DMD: variants seen among roughly 807,000 people sequenced by gnomAD.
DMD encodes the protein mutant dystrophin.
DMD carries 63 observed loss-of-function variants against 330.1 expected under a neutral mutation model. That is an observed-to-expected ratio of 0.19 (90% CI 0.16 to 0.24). The LOEUF is 0.24. DMD is among the 10% of genes least tolerant of loss of function. The pLI is 1.00. For synonymous variants in DMD, 1,223 were observed against 959.8 expected, an observed-to-expected ratio of 1.27 and a Z score of -5.07; for missense variants, 3,344 against 2,684.1, an observed-to-expected ratio of 1.25 and a Z score of -5.43.
At chrX:32,238,482 A>G (rs895583286) in intron 43 of DMD, among the ~76,000 whole-genome samples, 1 of 111,113 alleles carries the variant, frequency 9.0e-6, no homozygotes, top group African/African-American at 3.3e-5. Flanking sequence ...AGAAAGAGAG[A>G]CACAGAGAGA....
chrX:31,513,412 C>T (rs1417427386), intron 55 of DMD, among the ~76,000 whole-genome samples: 1 of 109,860 alleles, frequency 9.1e-6, no homozygotes, highest in Admixed American at 9.8e-5. Context: ...CTGTCTTGTG[C>T]CAATAAACTC....
chrX:32,841,591 G>A (rs565823149), intron 4 of DMD, among the ~76,000 whole-genome samples: 1 of 111,881 alleles, frequency 8.9e-6, no homozygotes, highest in African/African-American at 3.2e-5. Flanking sequence ...GTACTGTGAA[G>A]CAATGAGGAA....
At chrX:32,362,708 C>G in intron 37 of DMD, 80 bp downstream of exon 37, 1 of 1,104,116 alleles carries the variant, frequency 9.1e-7, no homozygotes, top group Non-Finnish European at 1.3e-6. Context: ...GTGGGGTCTA[C>G]TTGCCCCTTT....
chrX:32,590,918 C>T (rs1225669211), intron 13 of DMD, among the ~76,000 whole-genome samples: 1 of 111,979 alleles, frequency 8.9e-6, no homozygotes, highest in African/African-American at 3.3e-5. Flanking sequence ...TTTATATACA[C>T]ATATATACAT....
intron 55 of DMD, among the ~76,000 whole-genome samples, chrX:31,607,574 T>A (rs5927025): frequency 0.24 from 26,735 of 111,662 alleles, 2,460 homozygotes; most frequent in Middle Eastern, 0.32. Flanking sequence ...AGTCTTTTCA[T>A]ATGTCTCTTT....
At chrX:33,235,685 G>T (rs1462823462) in intron 1 of DMD, among the ~76,000 whole-genome samples, 1 of 109,756 alleles carries the variant, frequency 9.1e-6, no homozygotes, top group Non-Finnish European at 1.9e-5. Context: ...CAACCTCAAG[G>T]TTGCTCAAGG....
intron 20 of DMD, among the ~76,000 whole-genome samples, chrX:32,489,451 T>G (rs950561181): frequency 1.8e-5 from 2 of 110,964 alleles, no homozygotes; most frequent in Non-Finnish European, 3.8e-5. Flanking sequence ...TCTGCATGTA[T>G]ACACACAGAG....
At chrX:32,349,124 A>G (rs1489053229) in intron 37 of DMD, among the ~76,000 whole-genome samples, 2 of 111,641 alleles carry the variant, frequency 1.8e-5, no homozygotes, top group Non-Finnish European at 3.8e-5. Context: ...TATTTCACAT[A>G]AAGAATCTAT....
In DMD at chrX:32,866,724, T is replaced by TTG. The variant is rs1307416049; in HGVS notation, c.94-16905_94-16904insCA. Reference sequence around the variant, plus strand: ...ATATATACATACACACACTTTTTTTTGGGGGGGGGTGGGGGGGTGGGGGGG... The same window carrying TTG: ...ATATATACATACACACACTTTTTTTTTGGGGGGGGGGTGGGGGGGTGGGGGGG... On this transcript the variant is annotated intron_variant, in intron 2 of 78. Transcript: ENST00000357033. Among the ~76,000 whole-genome samples the TTG allele has an allele frequency of 3.5e-3, 136 of 38,417 alleles. 3 individuals are homozygous for TTG. Among genetic ancestry groups the TTG allele is most frequent in the African/African-American group, 0.021 (125 of 5,901 alleles). The allele number at this position is 38,417 out of a possible 115,157, so 33.4% of individuals were successfully genotyped here. A position where few individuals can be genotyped will look rare whatever the true frequency, so the allele number is the denominator to read the frequency against.
intron 42 of DMD, among the ~76,000 whole-genome samples, chrX:32,307,496 C>A (rs2097544829): frequency 9.0e-6 from 1 of 111,651 alleles, no homozygotes; most frequent in Non-Finnish European, 1.9e-5. Context: ...CTGGCAGCTA[C>A]CAGTCAGAGT....
intron 1 of DMD, among the ~76,000 whole-genome samples, chrX:33,264,672 G>A (rs183899587): frequency 5.6e-5 from 6 of 107,354 alleles, no homozygotes; most frequent in Admixed American, 3.1e-4. Context: ...TTTCTCCTTC[G>A]TTATGAATCT....
At chrX:32,402,651 C>T (rs1460122960) in intron 30 of DMD, among the ~76,000 whole-genome samples, 1 of 111,475 alleles carries the variant, frequency 9.0e-6, no homozygotes, top group Non-Finnish European at 1.9e-5. Context: ...CTAGGTAATA[C>T]ATAAAGAGGC....
chrX:31,361,269 A>T (rs2058923911), intron 60 of DMD, among the ~76,000 whole-genome samples: 1 of 111,506 alleles, frequency 9.0e-6, no homozygotes, highest in Admixed American at 9.5e-5. Flanking sequence ...CAGGACTTAA[A>T]TCTGGAAAGT....
At chrX:31,672,963 C>T (rs1354219396) in intron 53 of DMD, among the ~76,000 whole-genome samples, 1 of 112,448 alleles carries the variant, frequency 8.9e-6, no homozygotes, top group Admixed American at 9.4e-5. Context: ...GACCAACACC[C>T]TGGAGCTAGG....
At chrX:33,322,940 C>G (rs1321697000) in intron 1 of DMD, among the ~76,000 whole-genome samples, 1 of 110,659 alleles carries the variant, frequency 9.0e-6, no homozygotes, top group African/African-American at 3.3e-5. Flanking sequence ...TTTTATTCTC[C>G]CTGAAAGTGG....
intron 7 of DMD, among the ~76,000 whole-genome samples, chrX:32,766,882 T>C (rs997263577): frequency 1.8e-5 from 2 of 111,511 alleles, no homozygotes; most frequent in African/African-American, 6.5e-5. Flanking sequence ...CATATATTTA[T>C]ACAATTATAT....
intron 2 of DMD, among the ~76,000 whole-genome samples, chrX:32,858,771 C>T (rs1416276584): frequency 9.0e-6 from 1 of 111,194 alleles, no homozygotes; most frequent in African/African-American, 3.3e-5. Context: ...TTTTATTCTC[C>T]CTGTAGTATG....
intron 45 of DMD, among the ~76,000 whole-genome samples, chrX:31,966,595 AT>A (rs1174522480): frequency 6.3e-5 from 7 of 110,761 alleles, no homozygotes; most frequent in African/African-American, 2.0e-4. Flanking sequence ...AAATGGGAAA[AT>A]TTTTTTCCTA....
At chrX:31,757,152 T>C (rs373689137) in intron 51 of DMD, among the ~76,000 whole-genome samples, 1 of 111,655 alleles carries the variant, frequency 9.0e-6, no homozygotes, top group East Asian at 2.8e-4. Context: ...AAGTAATATA[T>C]GTGTGTTTGG....
Sources: allele counts gnomAD v4.1 joint callset (sites outside exome capture counted in the v4.1 genomes callset), GRCh38; gene constraint gnomAD v4.1.1; transcripts MANE v1.5; gene names NCBI Gene and HGNC (gene_info 2026-07-23, HGNC 2026-07-21).